PTPRM: variants seen among roughly 807,000 people sequenced by gnomAD.
The protein encoded by PTPRM is protein tyrosine phosphatase receptor type M.
Under a neutral mutation model 186.7 loss-of-function variants are expected in PTPRM, and 47 were observed. That is an observed-to-expected ratio of 0.25 (90% confidence interval 0.20 to 0.32). The LOEUF (loss-of-function observed/expected upper bound fraction) is 0.32. Ranked by LOEUF, PTPRM falls within the 10% of genes least tolerant of loss-of-function variation. PTPRM has a pLI of 1.00. For synonymous variants in PTPRM, 668 were observed against 674.9 expected (o/e 0.99, Z 0.16); for missense variants, 1,494 against 1,865.0 (o/e 0.80, Z 3.66).
At chr18:7,631,368 T>C (rs2038187382) in intron 1 of PTPRM, among the ~76,000 whole-genome samples, 1 of 152,150 alleles carries the variant, frequency 6.6e-6, no homozygotes, top group East Asian at 1.9e-4. Context: ...ATAGTGATTC[T>C]CAGTGTTGAT....
In PTPRM at chr18:8,378,127, GC is replaced by G. The variant is rs370403681; in HGVS notation, c.3463-137del. On this transcript the variant is annotated intron_variant, in intron 26 of 32. Transcript: ENST00000580170. Reference sequence around the variant, plus strand: ...TTTGGCATTGCACCCCAGTCTCCTAGCACTTGAGCCCTTGGACCGTGTTTCT... The same window carrying G: ...TTTGGCATTGCACCCCAGTCTCCTAGACTTGAGCCCTTGGACCGTGTTTCT... 1.6e-4 allele frequency: 137 copies of G among 832,112 alleles called. No individual in the cohort carries two copies. The East Asian group carries it at 2.7e-3, about 16-fold the overall frequency. 51.5% of individuals were successfully genotyped at this position (832,112 alleles called of 1,614,324 possible). A position where few individuals can be genotyped will look rare whatever the true frequency, so the allele number is the denominator to read the frequency against.
chr18:8,015,760 T>C (rs2084822220), intron 7 of PTPRM, among the ~76,000 whole-genome samples: 1 of 152,194 alleles, frequency 6.6e-6, no homozygotes, highest in Non-Finnish European at 1.5e-5. Context: ...GAATTGATCA[T>C]TTATCATTTT....
At chr18:7,990,693 T>C (rs1403600351) in intron 7 of PTPRM, among the ~76,000 whole-genome samples, 3 of 152,160 alleles carry the variant, frequency 2.0e-5, no homozygotes, top group African/African-American at 4.8e-5. Context: ...GGTATACATG[T>C]AGACAGTCTA....
At chr18:7,595,264 G>A (rs1333520880) in intron 1 of PTPRM, among the ~76,000 whole-genome samples, 1 of 152,146 alleles carries the variant, frequency 6.6e-6, no homozygotes, top group Non-Finnish European at 1.5e-5. Context: ...GTATTGTGTG[G>A]GGAGCCATTA....
At chr18:8,358,841 T>G (rs2148375293) in intron 23 of PTPRM, among the ~76,000 whole-genome samples, 1 of 152,284 alleles carries the variant, frequency 6.6e-6, no homozygotes, top group South Asian at 2.1e-4. Context: ...AAGGAACATG[T>G]AAGCTGCTGC....
intron 7 of PTPRM, among the ~76,000 whole-genome samples, chr18:7,988,241 CAA>C (rs560835399): frequency 6.6e-6 from 1 of 151,652 alleles, no homozygotes; most frequent in African/African-American, 2.4e-5. Context: ...ACCAAACAAA[CAA>C]AAAAGAAAAT....
intron 1 of PTPRM, among the ~76,000 whole-genome samples, chr18:7,584,189 ATAT>A (rs1044668682): frequency 1.3e-5 from 2 of 152,220 alleles, no homozygotes; most frequent in African/African-American, 4.8e-5. Flanking sequence ...AGTATCGAGA[ATAT>A]TAGCATTTTT....
At chr18:7,959,386 G>T (rs2053521741) in intron 7 of PTPRM, among the ~76,000 whole-genome samples, 1 of 152,020 alleles carries the variant, frequency 6.6e-6, no homozygotes, top group South Asian at 2.1e-4. Flanking sequence ...GTTTATTTTG[G>T]CCAAGCTCTG....
At chr18:8,127,035 A>G (rs1374264699) in intron 13 of PTPRM, among the ~76,000 whole-genome samples, 1 of 152,044 alleles carries the variant, frequency 6.6e-6, no homozygotes, top group African/African-American at 2.4e-5. Context: ...TTTAGGAGAG[A>G]CAGAAAGGAT....
chr18:8,130,358 G>A (rs2092472810), intron 13 of PTPRM, among the ~76,000 whole-genome samples: 1 of 152,094 alleles, frequency 6.6e-6, no homozygotes, highest in South Asian at 2.1e-4. Context: ...GGAAAGCCTG[G>A]GCTCCATGAA....
At chr18:8,270,026 A>G (rs767936797) in intron 19 of PTPRM, 3 of 152,052 alleles carry the variant, frequency 2.0e-5, no homozygotes, top group Admixed American at 6.5e-5. Flanking sequence ...AAAGCAGTCA[A>G]TGACATTTTC....
At chr18:7,746,510 A>G (rs2040989736) in intron 1 of PTPRM, among the ~76,000 whole-genome samples, 1 of 152,014 alleles carries the variant, frequency 6.6e-6, no homozygotes, top group Non-Finnish European at 1.5e-5. Context: ...CTGTCGCCCA[A>G]GCCGGAGTGT....
chr18:8,148,116 G>A (rs540077709), intron 14 of PTPRM, among the ~76,000 whole-genome samples: 1 of 152,116 alleles, frequency 6.6e-6, no homozygotes, highest in East Asian at 1.9e-4. Context: ...TTTTTTTGTT[G>A]TTGTTGTCTC....
chr18:7,777,303 A>G (rs1387629029), intron 2 of PTPRM, among the ~76,000 whole-genome samples: 1 of 152,184 alleles, frequency 6.6e-6, no homozygotes, highest in East Asian at 1.9e-4. Context: ...GTGGCTTGTG[A>G]GCTAAGAGTG....
At chr18:8,106,323 C>CT (rs11394748) in intron 11 of PTPRM, among the ~76,000 whole-genome samples, 12,253 of 148,132 alleles carry the variant, frequency 0.083, 504 homozygotes, top group Middle Eastern at 0.24. Flanking sequence ...AACATGTTGG[C>CT]TTTTTTTTTT....
At chr18:8,399,173 CAG>C (rs1314231437) in intron 32 of PTPRM, among the ~76,000 whole-genome samples, 1 of 152,196 alleles carries the variant, frequency 6.6e-6, no homozygotes, top group Non-Finnish European at 1.5e-5. Context: ...CTTGAGAAGG[CAG>C]AGACAGGGAA....
intron 14 of PTPRM, among the ~76,000 whole-genome samples, chr18:8,224,957 C>T (rs1325433207): frequency 2.0e-5 from 3 of 152,198 alleles, no homozygotes; most frequent in Admixed American, 6.5e-5. Context: ...TAAGGCTGAA[C>T]TTGATTAGCG....
chr18:7,745,483 G>A (rs2040967376), intron 1 of PTPRM, among the ~76,000 whole-genome samples: 1 of 152,182 alleles, frequency 6.6e-6, no homozygotes, highest in Non-Finnish European at 1.5e-5. Flanking sequence ...CAACTAAATT[G>A]AAGTTTAGGG....
chr18:7,711,522 C>A (rs2040213100), intron 1 of PTPRM, among the ~76,000 whole-genome samples: 1 of 152,148 alleles, frequency 6.6e-6, no homozygotes, highest in African/African-American at 2.4e-5. Context: ...AGCCAGGGAG[C>A]CAAGTGGTCT....
Sources: allele counts gnomAD v4.1 joint callset (sites outside exome capture counted in the v4.1 genomes callset), GRCh38; gene constraint gnomAD v4.1.1; transcripts MANE v1.5; gene names NCBI Gene and HGNC (gene_info 2026-07-23, HGNC 2026-07-21).